The following TMEM132C variants were observed in gnomAD, a reference collection of about 807,000 sequenced individuals.
The protein encoded by TMEM132C is transmembrane protein 132C.
A neutral mutation model predicts 61.4 loss-of-function variants in TMEM132C; 29 were observed. The ratio of observed to expected loss-of-function variants is 0.47; its 90% confidence interval spans 0.35 to 0.64. The LOEUF (loss-of-function observed/expected upper bound fraction) is 0.64, where lower values mean the gene tolerates loss of function less well. Ranked by LOEUF, TMEM132C falls within the 30% of genes least tolerant of loss-of-function variation. The pLI is 0.00. For missense variants in TMEM132C, 1,408 were observed against 1,476.9 expected, an observed-to-expected ratio of 0.95 and a Z score of 0.76; for synonymous variants, 656 against 633.1, an observed-to-expected ratio of 1.04 and a Z score of -0.54.
At chr12:128,496,981 T>C (rs1871984244) in intron 2 of TMEM132C, among the ~76,000 whole-genome samples, 1 of 152,246 alleles carries the variant, frequency 6.6e-6, no homozygotes, top group African/African-American at 2.4e-5. Flanking sequence ...CTTTGGTCTC[T>C]GATGATGGTG....
At chr12:128,409,597 A>AT (rs1344165761) in intron 1 of TMEM132C, among the ~76,000 whole-genome samples, 3 of 152,212 alleles carry the variant, frequency 2.0e-5, no homozygotes, top group South Asian at 4.2e-4. Context: ...CTTTATAAAG[A>AT]TTTTTTTAAA....
intron 1 of TMEM132C, among the ~76,000 whole-genome samples, chr12:128,344,201 A>G (rs930412085): frequency 6.6e-6 from 1 of 152,128 alleles, no homozygotes; most frequent in Non-Finnish European, 1.5e-5. Flanking sequence ...TCTGTTGCCC[A>G]GGCTGGAGTG....
At chr12:128,561,905 G>A (rs1351536418) in intron 3 of TMEM132C, among the ~76,000 whole-genome samples, 1 of 152,178 alleles carries the variant, frequency 6.6e-6, no homozygotes, top group Non-Finnish European at 1.5e-5. Flanking sequence ...GATTCAAGAT[G>A]GTGTGCTAGT....
At chr12:128,582,893 G>A (rs1875398010) in intron 3 of TMEM132C, among the ~76,000 whole-genome samples, 1 of 152,054 alleles carries the variant, frequency 6.6e-6, no homozygotes, top group Admixed American at 6.6e-5. Flanking sequence ...TCCCACCTCG[G>A]CCTCCCAAAG....
At position 128,411,259 on chromosome 12, in the gene TMEM132C, G is replaced by T. The variant is rs78729483; in HGVS notation, c.86-3473G>T. ...AACTTGTTGGAAGACAATTTAAGAT[G>T]ATGTGAATCTCCTGTTACTCATGAA... On this transcript the variant is annotated intron_variant, in intron 1 of 8. Transcript: ENST00000435159. 7.9e-3 allele frequency among the ~76,000 whole-genome samples: 1,207 copies of T among 152,178 alleles called. 21 individuals carry two copies. The highest frequency in any genetic ancestry group is 0.028 in the African/African-American group (1,157 of 41,530).
chr12:128,546,378 G>A (rs1873951720), intron 3 of TMEM132C, among the ~76,000 whole-genome samples: 1 of 152,198 alleles, frequency 6.6e-6, no homozygotes, highest in Admixed American at 6.5e-5. Flanking sequence ...GCAAAGTTAT[G>A]TATGTGAATA....
chr12:128,472,151 G>A (rs747669496), intron 2 of TMEM132C, among the ~76,000 whole-genome samples: 3 of 152,118 alleles, frequency 2.0e-5, no homozygotes, highest in Non-Finnish European at 2.9e-5. Flanking sequence ...GAGTGGGTTG[G>A]GGGCCTCTGT....
chr12:128,274,089 A>G (rs1870605592), intron 1 of TMEM132C, among the ~76,000 whole-genome samples: 1 of 152,198 alleles, frequency 6.6e-6, no homozygotes, highest in African/African-American at 2.4e-5. Context: ...GGAGAAAGCA[A>G]ATGTGAAATA....
chr12:128,674,256 A>G (rs1304649643), intron 5 of TMEM132C, among the ~76,000 whole-genome samples: 1 of 152,242 alleles, frequency 6.6e-6, no homozygotes, highest in Non-Finnish European at 1.5e-5. Context: ...GTTGTTTTCG[A>G]AGCTCATCTA....
chr12:128,533,592 C>A (rs1873407616), intron 2 of TMEM132C, among the ~76,000 whole-genome samples: 1 of 152,158 alleles, frequency 6.6e-6, no homozygotes. Flanking sequence ...CATGGACTTT[C>A]TCTTCTGGTG....
chr12:128,405,382 G>A (rs1460362170), intron 1 of TMEM132C, among the ~76,000 whole-genome samples: 8 of 152,296 alleles, frequency 5.3e-5, no homozygotes, highest in Admixed American at 1.3e-4. Context: ...CAGGTTCGTC[G>A]AGGAGTCGTT....
At chr12:128,424,431 C>G (rs1203128418) in intron 2 of TMEM132C, among the ~76,000 whole-genome samples, 1 of 148,904 alleles carries the variant, frequency 6.7e-6, no homozygotes, top group Non-Finnish European at 1.5e-5. Flanking sequence ...TATGGATGAA[C>G]CTTAAAAACA....
chr12:128,352,487 C>A (rs972632667), intron 1 of TMEM132C, among the ~76,000 whole-genome samples: 2 of 152,162 alleles, frequency 1.3e-5, no homozygotes, highest in African/African-American at 4.8e-5. Context: ...GGGAACACAA[C>A]CAAATCATCT....
chr12:128,339,722 C>T (rs1593016649), intron 1 of TMEM132C, among the ~76,000 whole-genome samples: 1 of 151,800 alleles, frequency 6.6e-6, no homozygotes, highest in Non-Finnish European at 1.5e-5. Context: ...CTGCAGCTCT[C>T]CATGCATTTG....
At chr12:128,418,840 C>T (rs1400368402) in intron 2 of TMEM132C, among the ~76,000 whole-genome samples, 1 of 152,186 alleles carries the variant, frequency 6.6e-6, no homozygotes, top group Non-Finnish European at 1.5e-5. Context: ...GAACACCTGC[C>T]AGAGTCTTTT....
At chr12:128,449,362 C>T (rs1195133783) in intron 2 of TMEM132C, among the ~76,000 whole-genome samples, 3 of 152,052 alleles carry the variant, frequency 2.0e-5, no homozygotes, top group Non-Finnish European at 4.4e-5. Flanking sequence ...CTTTCCTGGT[C>T]CCCGGAGGCG....
chr12:128,427,128 G>A (rs1025517169), intron 2 of TMEM132C, among the ~76,000 whole-genome samples: 46 of 152,080 alleles, frequency 3.0e-4, no homozygotes, highest in Admixed American at 2.6e-4. Context: ...TGGTCGTGTC[G>A]TTGCTCCAGG....
intron 4 of TMEM132C, among the ~76,000 whole-genome samples, chr12:128,659,594 G>C (rs147623605): frequency 6.6e-6 from 1 of 152,346 alleles, no homozygotes; most frequent in Non-Finnish European, 1.5e-5. Flanking sequence ...TCCTCCCTCA[G>C]AGACAGGTGG....
intron 1 of TMEM132C, among the ~76,000 whole-genome samples, chr12:128,347,063 T>C (rs1032138013): frequency 6.6e-6 from 1 of 152,208 alleles, no homozygotes; most frequent in African/African-American, 2.4e-5. Context: ...TGTAGTCTTT[T>C]ATCCCTCAGT....
Sources: allele counts gnomAD v4.1 joint callset (sites outside exome capture counted in the v4.1 genomes callset), GRCh38; gene constraint gnomAD v4.1.1; transcripts MANE v1.5; gene names NCBI Gene and HGNC (gene_info 2026-07-23, HGNC 2026-07-21).